TMEM132D: variants seen among roughly 807,000 people sequenced by gnomAD.
TMEM132D encodes the protein mature OL transmembrane protein.
TMEM132D carries 21 observed loss-of-function variants against 62.3 expected under a neutral mutation model. The ratio of observed to expected loss-of-function variants is 0.34; its 90% CI spans 0.24 to 0.49. The LOEUF (loss-of-function observed/expected upper bound fraction) is 0.49, where lower values mean the gene tolerates loss of function less well. Ranked by LOEUF, TMEM132D falls within the 20% of genes least tolerant of loss-of-function variation. The pLI, the probability that TMEM132D is intolerant of heterozygous loss-of-function variation, is 0.99. For synonymous variants in TMEM132D, 621 were observed against 575.6 expected (o/e 1.08, Z -1.13); for missense variants, 1,346 against 1,402.8 (o/e 0.96, Z 0.65).
At chr12:129,536,894 C>T (rs1175829015) in intron 2 of TMEM132D, among the ~76,000 whole-genome samples, 5 of 152,230 alleles carry the variant, frequency 3.3e-5, no homozygotes, top group African/African-American at 7.2e-5. Flanking sequence ...CGGTAGCTCA[C>T]GCCTGTAATC....
At chr12:129,377,665 G>A (rs1870822868) in intron 3 of TMEM132D, among the ~76,000 whole-genome samples, 1 of 152,148 alleles carries the variant, frequency 6.6e-6, no homozygotes, top group South Asian at 2.1e-4. Flanking sequence ...TATCTCTCCA[G>A]GAACCAGTTT....
intron 3 of TMEM132D, among the ~76,000 whole-genome samples, chr12:129,443,297 C>T (rs187474186): frequency 7.2e-5 from 11 of 152,258 alleles, no homozygotes; most frequent in Admixed American, 2.0e-4. Flanking sequence ...GAAGGTGAGC[C>T]GCCTCCCCGA....
At chr12:129,453,786 T>G (rs1873377626) in intron 3 of TMEM132D, among the ~76,000 whole-genome samples, 1 of 152,214 alleles carries the variant, frequency 6.6e-6, no homozygotes, top group Non-Finnish European at 1.5e-5. Flanking sequence ...GCGTCCTACG[T>G]TGACTCTTTG....
At chr12:129,241,553 C>G (rs1879937868) in intron 4 of TMEM132D, among the ~76,000 whole-genome samples, 1 of 152,138 alleles carries the variant, frequency 6.6e-6, no homozygotes, top group African/African-American at 2.4e-5. Flanking sequence ...TATCCTGGTT[C>G]CCTCCCATTC....
chr12:129,200,812 A>C (rs540325454), intron 5 of TMEM132D, among the ~76,000 whole-genome samples: 1 of 152,320 alleles, frequency 6.6e-6, no homozygotes, highest in African/African-American at 2.4e-5. Context: ...AGGGATGCTG[A>C]AAATAGCTGC....
chr12:129,784,221 T>C (rs528738715), intron 1 of TMEM132D, among the ~76,000 whole-genome samples: 1 of 152,296 alleles, frequency 6.6e-6, no homozygotes, highest in Non-Finnish European at 1.5e-5. Context: ...GGGCTCACTC[T>C]GTGGGAAAAA....
chr12:129,558,415 T>C (rs909134016), intron 2 of TMEM132D, among the ~76,000 whole-genome samples: 2 of 152,016 alleles, frequency 1.3e-5, no homozygotes, highest in African/African-American at 4.8e-5. Context: ...TTAGAGAGTG[T>C]TTAAAATGAG....
intron 1 of TMEM132D, among the ~76,000 whole-genome samples, chr12:129,889,301 G>A (rs1874846459): frequency 6.6e-6 from 1 of 152,128 alleles, no homozygotes; most frequent in Non-Finnish European, 1.5e-5. Context: ...TCTGCAGTTG[G>A]ATGGCAGTCA....
intron 2 of TMEM132D, among the ~76,000 whole-genome samples, chr12:129,572,475 T>A (rs778058100): frequency 2.6e-5 from 4 of 151,826 alleles, no homozygotes; most frequent in Non-Finnish European, 5.9e-5. Context: ...TGAGACGGAG[T>A]TTCACTCTTG....
chr12:129,182,103 T>C (rs1243752504), intron 5 of TMEM132D, among the ~76,000 whole-genome samples: 2 of 152,158 alleles, frequency 1.3e-5, no homozygotes, highest in Non-Finnish European at 2.9e-5. Context: ...GTCTCATGCC[T>C]GTAAACCAAG....
At chr12:129,077,236 C>A (rs1454928341) in intron 8 of TMEM132D, among the ~76,000 whole-genome samples, 1 of 152,184 alleles carries the variant, frequency 6.6e-6, no homozygotes, top group Admixed American at 6.5e-5. Flanking sequence ...CAGGGAAGGC[C>A]TGGTACCTCA....
intron 4 of TMEM132D, among the ~76,000 whole-genome samples, chr12:129,234,527 G>A (rs186353477): frequency 1.3e-5 from 2 of 152,114 alleles, no homozygotes; most frequent in African/African-American, 4.8e-5. Context: ...AAAAAGCTAC[G>A]TTTCTCCACA....
At chr12:129,293,378 T>C (rs1285479400) in intron 4 of TMEM132D, among the ~76,000 whole-genome samples, 1 of 152,042 alleles carries the variant, frequency 6.6e-6, no homozygotes, top group Non-Finnish European at 1.5e-5. Flanking sequence ...CCCACATGCT[T>C]TGGAAGTGTA....
intron 1 of TMEM132D, among the ~76,000 whole-genome samples, chr12:129,882,145 GA>G (rs908392440): frequency 4.6e-5 from 7 of 150,902 alleles, no homozygotes; most frequent in African/African-American, 1.7e-4. Flanking sequence ...AATAGCTTCT[GA>G]AAAAAAAATT....
intron 2 of TMEM132D, among the ~76,000 whole-genome samples, chr12:129,679,181 G>A (rs1880718660): frequency 6.6e-6 from 1 of 151,784 alleles, no homozygotes; most frequent in Admixed American, 6.6e-5. Flanking sequence ...TGGATTAATT[G>A]GAGGTAAACT....
chr12:129,867,701 C>G lies in TMEM132D; in HGVS notation c.79+35560G>C, dbSNP rs1781157900. Among the ~76,000 whole-genome samples the G allele has an allele frequency of 6.6e-6, 1 of 152,182 alleles. No homozygotes were observed. The highest frequency in any genetic ancestry group is 6.5e-5 in the Admixed American group (1 of 15,280). On this transcript the variant is annotated intron_variant, in intron 1 of 8. Transcript: ENST00000422113. The surrounding 1 kb of genome is among the most constrained non-coding windows in gnomAD (Gnocchi z 4.5). ...GTGACAATTTCACAATGTATACATA[C>G]AGCAAATCATCAAATTGTACATCTT...
At chr12:129,686,092 G>A (rs1880908372) in intron 2 of TMEM132D, among the ~76,000 whole-genome samples, 1 of 152,138 alleles carries the variant, frequency 6.6e-6, no homozygotes, top group African/African-American at 2.4e-5. Context: ...TTGGACTTCT[G>A]GGTTAAAGCT....
rs1036534896 is a variant in TMEM132D, at chr12:129,676,792, C to T, written c.968+23018G>A. ...AACTGTATCACTATCTATCATCTCT[C>T]TATGTAATCTATCATCATCTATCTA... On this transcript the variant is annotated intron_variant, in intron 2 of 8. Coordinates refer to ENST00000422113, the MANE Select transcript of TMEM132D (RefSeq NM_133448.3). 5.9e-5 allele frequency among the ~76,000 whole-genome samples: 9 copies of T among 152,134 alleles called. No homozygotes were observed. In the South Asian group the frequency reaches 1.2e-3, roughly 21 times the overall value.
chr12:129,643,929 C>T (rs997862664), intron 2 of TMEM132D, among the ~76,000 whole-genome samples: 3 of 151,340 alleles, frequency 2.0e-5, no homozygotes, highest in African/African-American at 7.3e-5. Flanking sequence ...ACTGCAACCT[C>T]GTGCAACCTC....
Sources: allele counts gnomAD v4.1 joint callset (sites outside exome capture counted in the v4.1 genomes callset), GRCh38; gene constraint gnomAD v4.1.1; non-coding constraint Gnocchi (gnomAD v3.1); transcripts MANE v1.5; gene names NCBI Gene and HGNC (gene_info 2026-07-23, HGNC 2026-07-21).